Variants in HLA-DPB1 observed in about 807,000 individuals in gnomAD.
HLA-DPB1 encodes the protein major histocompatibility complex, class II, DP beta 1, also known as HLA class II histocompatibility antigen, DP beta 1 chain.
In HLA-DPB1, 30 loss-of-function variants were observed where a neutral mutation model predicts 29.4. That is an observed-to-expected ratio of 1.02 (90% CI 0.76 to 1.38). The LOEUF is 1.38. Ranked by LOEUF, HLA-DPB1 falls within the 40% of genes most tolerant of loss-of-function variation. HLA-DPB1 has a pLI of 0.00. For synonymous variants in HLA-DPB1, 114 were observed against 134.0 expected, an observed-to-expected ratio of 0.85 and a Z score of 1.03; for missense variants, 261 against 327.5, an observed-to-expected ratio of 0.80 and a Z score of 1.57.
At chr6:33,076,335 C>T (rs1222956261) in intron 1 of HLA-DPB1, among the ~76,000 whole-genome samples, 194 bp downstream of exon 1, 2 of 151,924 alleles carry the variant, frequency 1.3e-5, no homozygotes, top group Non-Finnish European at 2.9e-5. Context: ...ATTCTCTCTC[C>T]AAGGACATGG....
chr6:33,082,853 C>A (rs1762935252), intron 2 of HLA-DPB1, among the ~76,000 whole-genome samples: 2 of 152,136 alleles, frequency 1.3e-5, no homozygotes, highest in Admixed American at 1.3e-4. Context: ...TGAACTGGGT[C>A]AGAAATGAGG....
rs1432640425 is a variant in HLA-DPB1 at position 33,080,246 on chromosome 6, G to T, written c.101-426G>T. The T allele has an allele frequency of 5.6e-6, 2 of 359,578 alleles. No individual in the cohort carries two copies. Among genetic ancestry groups the T allele is most frequent in the Admixed American group, 3.7e-5 (1 of 26,818 alleles). 22.3% of individuals were successfully genotyped at this position (359,578 alleles called of 1,614,324 possible). A position where few individuals can be genotyped will look rare whatever the true frequency, so the allele number is the denominator to read the frequency against. On this transcript the variant is annotated intron_variant, in intron 1 of 5. Transcript: ENST00000418931. The surrounding 1 kb of genome is among the most constrained non-coding windows in gnomAD (Gnocchi z 4.3). Reference sequence around the variant, plus strand: ...CTGGAGGAGGTGGCATTTGAACCAGGACTGACATCAGGATGGAAATGTCAG... The same window carrying T: ...CTGGAGGAGGTGGCATTTGAACCAGTACTGACATCAGGATGGAAATGTCAG...
In HLA-DPB1 at chr6:33,080,294, C is replaced by G. The variant is rs12662112; in HGVS notation, c.101-378C>G. ...CAGTCAGGGAGTTAAGTAGGGGGAG[C>G]AGCTCCGCCCTCCACGTCCCCAGCT... On this transcript the variant is annotated intron_variant, in intron 1 of 5. Coordinates refer to ENST00000418931, the MANE Select transcript of HLA-DPB1 (RefSeq NM_002121.6). This position sits in a 1 kb window ranked among gnomAD's most constrained non-coding sequence, Gnocchi z 4.3. 14,261 of 400,356 alleles carry G rather than the reference C, an allele frequency of 0.036. 2,008 individuals are homozygous for G. The East Asian group carries it at 0.48, about 14-fold the overall frequency. The allele number at this position is 400,356 out of a possible 1,614,324, so 24.8% of individuals were successfully genotyped here.
In HLA-DPB1 at chr6:33,086,765, C is replaced by T. The variant is rs998251307; in HGVS notation, c.*231C>T. 5.6e-6 allele frequency: 2 copies of T among 355,190 alleles called. No homozygotes were observed. Among genetic ancestry groups the T allele is most frequent in the Non-Finnish European group, 1.1e-5 (2 of 176,466 alleles). The allele number at this position is 355,190 out of a possible 1,614,324, so 22.0% of individuals were successfully genotyped here. Reference sequence around the variant, plus strand: ...TTCTTAGCACCACAAATAATCAAAACCCAACATGACTGTTTGTTTTCCTTT... The same window carrying T: ...TTCTTAGCACCACAAATAATCAAAATCCAACATGACTGTTTGTTTTCCTTT... On this transcript the variant is annotated 3_prime_UTR_variant, in exon 6 of 6. Transcript: ENST00000418931.
chr6:33,086,233 G>T lies in HLA-DPB1; in HGVS notation c.772G>T (p.Ala258Ser), dbSNP rs1763093858. 3.8e-6 allele frequency: 6 copies of T among 1,582,822 alleles called. 1 individual carries two copies. The South Asian group carries it at 5.5e-5, about 15-fold the overall frequency. The change falls in exon 5 of 6, where the codon GCA becomes TCA. Residue 258 changes from alanine to serine, a missense_variant. Coordinates refer to ENST00000418931, the MANE Select transcript of HLA-DPB1 (RefSeq NM_002121.6). ...RRSKKVQRGSA is the reference protein window; with the variant it reads ...RRSKKVQRGSS ...TTTCATTTCAGTTCAACGAGGATCT[G>T]CATAAACAGGTAATATTCCTGCTTT...
rs368314014 is a variant in HLA-DPB1 at position 33,086,303 on chromosome 6, G to C, written c.*4+61G>C. 1,045 of 1,263,294 alleles carry C rather than the reference G, an allele frequency of 8.3e-4. 19 individuals carry two copies. In the African/African-American group the frequency reaches 0.015, roughly 18 times the overall value. The allele number at this position is 1,263,294 out of a possible 1,614,324, so 78.3% of individuals were successfully genotyped here. A position where few individuals can be genotyped will look rare whatever the true frequency, so the allele number is the denominator to read the frequency against. On this transcript the variant is annotated intron_variant, in intron 5 of 5. Coordinates refer to ENST00000418931, the MANE Select transcript of HLA-DPB1 (RefSeq NM_002121.6). The stretch of plus-strand genomic sequence containing the variant: ...TTGCAGGAGGATATGAGTCCTTTCT[G>C]TGCATTGTAACACTGAGGCTCCTCC...
At chr6:33,076,602 G>A (rs1264833788) in intron 1 of HLA-DPB1, among the ~76,000 whole-genome samples, 1 of 152,206 alleles carries the variant, frequency 6.6e-6, no homozygotes, top group Non-Finnish European at 1.5e-5. Context: ...GGTGGAGCAG[G>A]AGCCCACATC....
chr6:33,079,664 C>A, intron 1 of HLA-DPB1: 1 of 480,472 alleles, frequency 2.1e-6, no homozygotes. Context: ...AAACATGCTG[C>A]CCAGTGGCTT....
intron 2 of HLA-DPB1, among the ~76,000 whole-genome samples, chr6:33,081,646 G>T (rs1344804699): frequency 6.6e-6 from 1 of 152,148 alleles, no homozygotes; most frequent in Non-Finnish European, 1.5e-5. Flanking sequence ...AAACCAGGGA[G>T]ACCTGGGGAG....
rs145425856 is a variant in HLA-DPB1, at chr6:33,081,260, G to T, written c.364+325G>T. On this transcript the variant is annotated intron_variant, in intron 2 of 5. Transcript: ENST00000418931. ...TGGTGTGGAGATGGAGGTGGAGATGGCACAGCAGGCCACACAGAGAAGAAA... is the reference window on the plus strand; with the variant it reads ...TGGTGTGGAGATGGAGGTGGAGATGTCACAGCAGGCCACACAGAGAAGAAA... 5.2e-4 allele frequency: 176 copies of T among 341,308 alleles called. 3 individuals are homozygous for T. The highest frequency in any genetic ancestry group is 3.4e-3 in the African/African-American group (160 of 46,668). 21.1% of individuals were successfully genotyped at this position (341,308 alleles called of 1,614,324 possible). A position where few individuals can be genotyped will look rare whatever the true frequency, so the allele number is the denominator to read the frequency against.
In HLA-DPB1 at chr6:33,080,731, C is replaced by T. The variant is rs1172051426; in HGVS notation, c.160C>T (p.Leu54=). The T allele has an allele frequency of 1.9e-6, 3 of 1,613,584 alleles. No individual in the cohort carries two copies. Among genetic ancestry groups the T allele is most frequent in the Non-Finnish European group, 2.5e-6 (3 of 1,179,888 alleles). ...CGCGTTTAATGGGACACAGCGCTTCCTGGAGAGATACATCTACAACCGGGA... is the reference window on the plus strand; with the variant it reads ...CGCGTTTAATGGGACACAGCGCTTCTTGGAGAGATACATCTACAACCGGGA... ...CYAFNGTQRF[L]ERYIYNREEF... Residue 54 remains leucine, a synonymous_variant, in exon 2 of 6, where the codon CTG becomes TTG. Coordinates refer to ENST00000418931, the MANE Select transcript of HLA-DPB1 (RefSeq NM_002121.6). This position sits in a 1 kb window ranked among gnomAD's most constrained non-coding sequence, Gnocchi z 4.3.
intron 2 of HLA-DPB1, chr6:33,084,041 T>C (rs1349889502): frequency 7.9e-6 from 1 of 126,192 alleles, no homozygotes; most frequent in Non-Finnish European, 1.6e-5. Context: ...TGAGTTTTTG[T>C]AGGTGAGGTA....
rs1046820790 is a variant in HLA-DPB1, at chr6:33,087,092, A to G, written c.*558A>G. On this transcript the variant is annotated 3_prime_UTR_variant, in exon 6 of 6. Coordinates refer to ENST00000418931, the MANE Select transcript of HLA-DPB1 (RefSeq NM_002121.6). ...TCTGCCTGATAGGACCCATATTCCCACAGCACTAATTCAACATATACCTTA... is the reference window on the plus strand; with the variant it reads ...TCTGCCTGATAGGACCCATATTCCCGCAGCACTAATTCAACATATACCTTA... The G allele has an allele frequency of 1.9e-5, 3 of 160,742 alleles. No homozygotes were observed. The highest frequency in any genetic ancestry group is 4.1e-5 in the Non-Finnish European group (3 of 73,766). The allele number at this position is 160,742 out of a possible 1,614,324, so 10.0% of individuals were successfully genotyped here.
Position 33,080,913 on chromosome 6 carries a change from G to A in HLA-DPB1, c.342G>A (p.Gly114=), listed in dbSNP as rs1447311066. ...GCAGACACAACTACGAGCTGGGCGG[G>A]CCCATGACCCTGCAGCGCCGAGGTG... ...RMCRHNYELG[G]PMTLQRRVQP... Residue 114 remains glycine, a synonymous_variant, in exon 2 of 6, where the codon GGG becomes GGA. Coordinates refer to ENST00000418931, the MANE Select transcript of HLA-DPB1 (RefSeq NM_002121.6). The surrounding 1 kb of genome is among the most constrained non-coding windows in gnomAD (Gnocchi z 4.3). 1 of 1,601,066 alleles carries A rather than the reference G, an allele frequency of 6.2e-7. No homozygotes were observed. Among genetic ancestry groups the A allele is most frequent in the Non-Finnish European group, 8.5e-7 (1 of 1,173,818 alleles).
Position 33,087,578 on chromosome 6 carries a change from A to C in HLA-DPB1, c.*1044A>C, listed in dbSNP as rs9501257. ...TGCACAGCAGCTCTCTTATACATCC[A>C]GTTGATGCCTTCAGTCTCCCTGGCT... On this transcript the variant is annotated 3_prime_UTR_variant, in exon 6 of 6. Transcript: ENST00000418931. Among the ~76,000 whole-genome samples the C allele has an allele frequency of 6.6e-6, 1 of 151,980 alleles. No individual in the cohort carries two copies. Among genetic ancestry groups the C allele is most frequent in the Non-Finnish European group, 1.5e-5 (1 of 68,016 alleles).
At position 33,085,110 on chromosome 6, in the gene HLA-DPB1, C is replaced by T; in HGVS notation, c.525C>T (p.Ile175=). 1.2e-6 allele frequency: 2 copies of T among 1,613,946 alleles called. No homozygotes were observed. The highest frequency in any genetic ancestry group is 1.1e-5 in the South Asian group (1 of 91,078). ...CTGGGGTCGTGTCCACCAACCTGAT[C>T]CGTAATGGAGACTGGACCTTCCAGA... is the stretch of plus-strand genomic sequence containing the variant. ...ETAGVVSTNL[I]RNGDWTFQIL... is the part of the protein sequence containing the mutation. The change falls in exon 3 of 6, where the codon ATC becomes ATT. Residue 175 remains isoleucine, a synonymous_variant. Transcript: ENST00000418931.
intron 3 of HLA-DPB1, 30 bp downstream of exon 3, chr6:33,085,261 C>G: frequency 6.5e-7 from 1 of 1,545,848 alleles, no homozygotes; most frequent in Non-Finnish European, 8.8e-7. Flanking sequence ...CTAGACCCCA[C>G]CTCTGAAGAG....
chr6:33,076,208 T>A, intron 1 of HLA-DPB1, 67 bp downstream of exon 1: 2 of 1,087,010 alleles, frequency 1.8e-6, no homozygotes, highest in Non-Finnish European at 2.7e-6. Flanking sequence ...ACGTTATCTT[T>A]AAGGGATCAA....
rs1763188947 is a variant in HLA-DPB1, at chr6:33,087,973, A to T, written c.*1439A>T. On this transcript the variant is annotated 3_prime_UTR_variant, in exon 6 of 6. Coordinates refer to ENST00000418931, the MANE Select transcript of HLA-DPB1 (RefSeq NM_002121.6). ...GATCAGCCTCATTTCCTCAAAAACT[A>T]TAAAGGAAAATGCTGCTGACTTGTT... 6.6e-6 allele frequency among the ~76,000 whole-genome samples: 1 copy of T among 152,198 alleles called. No individual in the cohort carries two copies. Among genetic ancestry groups the T allele is most frequent in the Non-Finnish European group, 1.5e-5 (1 of 68,042 alleles).
Sources: allele counts gnomAD v4.1 joint callset (sites outside exome capture counted in the v4.1 genomes callset), GRCh38; gene constraint gnomAD v4.1.1; non-coding constraint Gnocchi (gnomAD v3.1); transcripts MANE v1.5; gene names NCBI Gene and HGNC (gene_info 2026-07-23, HGNC 2026-07-21).